Variants in PKD2 observed in about 807,000 individuals in gnomAD.
PKD2 encodes polycystin-2.
In PKD2, 48 loss-of-function variants were observed where a neutral mutation model predicts 105.9. The observed-to-expected ratio is 0.45, with a 90% CI of 0.36 to 0.58. The LOEUF (loss-of-function observed/expected upper bound fraction) is 0.58, where lower values mean the gene tolerates loss of function less well. Among genes scored for constraint, PKD2 ranks in the 20% least tolerant of loss-of-function variants. The pLI, the probability that PKD2 is intolerant of heterozygous loss-of-function variation, is 0.00. For synonymous variants in PKD2, 464 were observed against 481.1 expected, an observed-to-expected ratio of 0.96 and a Z score of 0.46; for missense variants, 1,078 against 1,255.3, an observed-to-expected ratio of 0.86 and a Z score of 2.13.
At position 88,043,333 on chromosome 4, in the gene PKD2, A is replaced by G; in HGVS notation, c.1195A>G (p.Arg399Gly). ...AGYYLDLSRTREETAAQVASL... is the reference protein window; with the variant it reads ...AGYYLDLSRTGEETAAQVASL... ...CTATTATCTGGATTTGTCAAGAACA[A>G]GAGAGGAAACAGCTGCACAAGTTGC... is the stretch of plus-strand genomic sequence containing the variant. The change falls in exon 5 of 15, where the codon AGA becomes GGA. Residue 399 changes from arginine (R) to glycine (G), a missense_variant. Arg to Gly is a moderately radical substitution (Grantham distance 125). This residue lies in a region of PKD2 where 868 missense variants were observed against 1,067.3 expected (regional missense o/e 0.81). Coordinates refer to ENST00000237596, the MANE Select transcript of PKD2 (RefSeq NM_000297.4). 2 of 1,613,826 alleles carry G rather than the reference A, an allele frequency of 1.2e-6. No individual in the cohort carries two copies. The highest frequency in any genetic ancestry group is 2.2e-5 in the East Asian group (1 of 44,872).
At chr4:88,073,880 C>G (rs1180839331) in intron 13 of PKD2, among the ~76,000 whole-genome samples, 5 of 151,974 alleles carry the variant, frequency 3.3e-5, no homozygotes, top group African/African-American at 4.8e-5. Context: ...TCTACAGAAC[C>G]CTCTTGCCAC....
rs779226187 is a variant in PKD2, at chr4:88,043,395, C to T, written c.1257C>T (p.Thr419=). 5.6e-6 allele frequency: 9 copies of T among 1,613,880 alleles called. No individual in the cohort carries two copies. Among genetic ancestry groups the T allele is most frequent in the Non-Finnish European group, 6.8e-6 (8 of 1,179,934 alleles). ...AAAATGTCTGGCTGGACCGAGGAAC[C>T]AGGGCAACTTTTATTGACTTCTCAG... is the stretch of plus-strand genomic sequence containing the variant. The part of the protein sequence containing the change: ...LKKNVWLDRG[T]RATFIDFSVY... The change falls in exon 5 of 15, where the codon ACC becomes ACT. Residue 419 remains threonine (T), a synonymous_variant. Transcript: ENST00000237596.
rs1560591768 is a variant in PKD2 at position 88,007,786 on chromosome 4, C to A, written c.53C>A (p.Pro18Gln). 1.7e-6 allele frequency: 2 copies of A among 1,159,210 alleles called. No individual in the cohort carries two copies. Among genetic ancestry groups the A allele is most frequent in the South Asian group, 2.9e-5 (1 of 34,118 alleles). 71.8% of individuals were successfully genotyped at this position (1,159,210 alleles called of 1,614,324 possible). ...CAGCAGCCCGGGGACGCCAAGCGGC[C>A]GCCCGCGCCCCGCGCGCCGGACCCG... ...QPQQPGDAKR[P>Q]PAPRAPDPGR... Residue 18 changes from proline to glutamine, a missense_variant, in exon 1 of 15, where the codon CCG becomes CAG. Physicochemically the swap from Pro to Gln is moderately conservative, Grantham distance 76. This residue lies in a region of PKD2 where 210 missense variants were observed against 187.9 expected (regional missense o/e 1.12). Transcript: ENST00000237596.
chr4:88,009,278 A>G (rs564063136), intron 1 of PKD2, among the ~76,000 whole-genome samples: 35 of 152,280 alleles, frequency 2.3e-4, no homozygotes, highest in Middle Eastern at 6.8e-3. Flanking sequence ...AATTATTTTA[A>G]TCTATATTTT....
intron 13 of PKD2, among the ~76,000 whole-genome samples, chr4:88,071,084 C>G (rs1721018255): frequency 6.6e-6 from 1 of 151,100 alleles, no homozygotes; most frequent in South Asian, 2.1e-4. Context: ...GAGATAGGGT[C>G]TCTCTCTGTC....
chr4:88,007,972 C>G lies in PKD2; in HGVS notation c.239C>G (p.Ser80Trp), dbSNP rs568249293. The change falls in exon 1 of 15, where the codon TCG becomes TGG. Residue 80 changes from serine to tryptophan, a missense_variant. Physicochemically the swap from Ser to Trp is radical, Grantham distance 177. Around this residue, in one of 2 missense-constraint regions of PKD2, gnomAD observed 210 missense variants for 187.9 expected, o/e 1.12. Coordinates refer to ENST00000237596, the MANE Select transcript of PKD2 (RefSeq NM_000297.4). Reference sequence around the variant, plus strand: ...GCGGCCTCCCCTTCTCCTCCGCTCTCGTCGTGCTCCCGGCAGGCGTGGAGC... The same window carrying G: ...GCGGCCTCCCCTTCTCCTCCGCTCTGGTCGTGCTCCCGGCAGGCGTGGAGC... ...GAAASPSPPL[S>W]SCSRQAWSRD... The G allele has an allele frequency of 1.3e-6, 2 of 1,503,598 alleles. No homozygotes were observed. Among genetic ancestry groups the G allele is most frequent in the Admixed American group, 4.2e-5 (2 of 47,878 alleles). The allele number at this position is 1,503,598 out of a possible 1,614,324, so 93.1% of individuals were successfully genotyped here.
chr4:88,060,453 TATATC>T (rs1720528698), intron 9 of PKD2, among the ~76,000 whole-genome samples: 1 of 151,232 alleles, frequency 6.6e-6, no homozygotes. Context: ...TATATATATA[TATATC>T]ATATATACTG....
In PKD2 at chr4:88,008,183, G is replaced by A; in HGVS notation, c.450G>A (p.Pro150=). 8 of 1,372,456 alleles carry A rather than the reference G, an allele frequency of 5.8e-6. No homozygotes were observed. Among genetic ancestry groups the A allele is most frequent in the South Asian group, 3.5e-5 (2 of 56,980 alleles). 85.0% of individuals were successfully genotyped at this position (1,372,456 alleles called of 1,614,324 possible). The change falls in exon 1 of 15, where the codon CCG becomes CCA. Residue 150 remains proline, a synonymous_variant. Transcript: ENST00000237596. ...GLGGYHGAGH[P]SGRRRRREDQ... ...GGGGCTACCACGGCGCGGGCCACCC[G>A]AGCGGGAGGCGGCGCCGGCGAGAGG...
At position 88,036,441 on chromosome 4, in the gene PKD2, A is replaced by G. The variant is rs1298383050; in HGVS notation, c.843+88A>G. On this transcript the variant is annotated intron_variant, in intron 3 of 14. Coordinates refer to ENST00000237596, the MANE Select transcript of PKD2 (RefSeq NM_000297.4). ...ATTTCAATGCATGAGTATCGACAGG[A>G]CCTGCTTTGCATTTAACACTGTGTG... The G allele has an allele frequency of 1.9e-6, 3 of 1,592,246 alleles. No individual in the cohort carries two copies. The African/African-American group carries it at 4.0e-5, about 21-fold the overall frequency.
At chr4:88,020,647 A>G (rs1401342571) in intron 2 of PKD2, among the ~76,000 whole-genome samples, 1 of 151,564 alleles carries the variant, frequency 6.6e-6, no homozygotes, top group South Asian at 2.1e-4. Context: ...TTATGACCCC[A>G]GAGCCTCCTA....
At chr4:88,070,588 A>T (rs1443952031) in intron 13 of PKD2, among the ~76,000 whole-genome samples, 26 of 103,808 alleles carry the variant, frequency 2.5e-4, no homozygotes, top group Non-Finnish European at 4.8e-4. Flanking sequence ...ATATATATAT[A>T]TATATATATA....
At chr4:88,062,890 T>C (rs1209637588) in intron 10 of PKD2, among the ~76,000 whole-genome samples, 2 of 152,222 alleles carry the variant, frequency 1.3e-5, no homozygotes, top group East Asian at 3.8e-4. Context: ...AAATCTCCAG[T>C]GTGTATGCAA....
intron 4 of PKD2, among the ~76,000 whole-genome samples, chr4:88,039,277 A>C (rs145701452): frequency 2.0e-5 from 3 of 152,258 alleles, no homozygotes; most frequent in Middle Eastern, 3.4e-3. Flanking sequence ...ATTTGTTACT[A>C]TACAATGGGC....
chr4:88,029,827 G>T (rs1272801710), intron 2 of PKD2, among the ~76,000 whole-genome samples: 1 of 152,118 alleles, frequency 6.6e-6, no homozygotes, highest in Admixed American at 6.6e-5. Flanking sequence ...ATGAATGAAG[G>T]CTCTGAGGCA....
chr4:88,011,016 GGT>G (rs1049098590), intron 1 of PKD2, among the ~76,000 whole-genome samples: 2 of 152,222 alleles, frequency 1.3e-5, no homozygotes, highest in African/African-American at 4.8e-5. Flanking sequence ...TCAGCAGCAT[GGT>G]GTACAGGAGA....
intron 2 of PKD2, among the ~76,000 whole-genome samples, chr4:88,026,451 GA>G (rs1351709095): frequency 1.3e-5 from 2 of 152,170 alleles, no homozygotes; most frequent in East Asian, 3.9e-4. Flanking sequence ...GGCTTTTCCT[GA>G]AAGCATACAG....
intron 1 of PKD2, among the ~76,000 whole-genome samples, chr4:88,009,108 G>C (rs1726302157): frequency 6.6e-6 from 1 of 152,148 alleles, no homozygotes; most frequent in Admixed American, 6.5e-5. Flanking sequence ...ATGTGTCTGA[G>C]CCCAGTGCGC....
intron 2 of PKD2, among the ~76,000 whole-genome samples, chr4:88,030,765 G>A (rs1727118105): frequency 6.6e-6 from 1 of 152,236 alleles, no homozygotes; most frequent in South Asian, 2.1e-4. Flanking sequence ...CACCGCCCTT[G>A]CAGGGATGGG....
chr4:88,021,082 G>A (rs1242091003), intron 2 of PKD2, among the ~76,000 whole-genome samples: 1 of 152,216 alleles, frequency 6.6e-6, no homozygotes, highest in Non-Finnish European at 1.5e-5. Context: ...TTAAACTGCA[G>A]TGGCCTTAAA....
Sources: allele counts gnomAD v4.1 joint callset (sites outside exome capture counted in the v4.1 genomes callset), GRCh38; gene constraint gnomAD v4.1.1; regional missense constraint gnomAD v4.1.1; transcripts MANE v1.5; gene names NCBI Gene and HGNC (gene_info 2026-07-23, HGNC 2026-07-21).